Variants in SPPL2A observed in about 807,000 individuals in gnomAD.
SPPL2A encodes the protein signal peptide peptidase like 2A.
A neutral mutation model predicts 63.8 loss-of-function variants in SPPL2A; 51 were observed. The ratio of observed to expected loss-of-function variants is 0.80; its 90% CI spans 0.64 to 1.01. The LOEUF is 1.01. Among genes scored for constraint, SPPL2A ranks in the 50% least tolerant of loss-of-function variants. The probability of loss-of-function intolerance (pLI) is 0.00; values close to 1 mark genes in which losing one functional copy is unlikely to be tolerated. For synonymous variants in SPPL2A, 188 were observed against 205.8 expected (o/e 0.91, Z 0.74); for missense variants, 553 against 622.7 (o/e 0.89, Z 1.19).
At chr15:50,720,148 G>T in intron 13 of SPPL2A, 48 bp from the exon 14 acceptor site, 1 of 1,514,684 alleles carries the variant, frequency 6.6e-7, no homozygotes, top group Non-Finnish European at 8.9e-7. Context: ...TGTTACCAAA[G>T]GTGGGTTTTT....
At chr15:50,752,474 T>G (rs1451494559) in intron 1 of SPPL2A, among the ~76,000 whole-genome samples, 1 of 151,986 alleles carries the variant, frequency 6.6e-6, no homozygotes, top group Non-Finnish European at 1.5e-5. Flanking sequence ...TTCCAGCACC[T>G]CGGGAGGCCG....
At chr15:50,742,160 A>G (rs1485405395) in intron 5 of SPPL2A, among the ~76,000 whole-genome samples, 1 of 152,190 alleles carries the variant, frequency 6.6e-6, no homozygotes, top group Non-Finnish European at 1.5e-5. Flanking sequence ...CTGTAATCCC[A>G]GCACTTTGGG....
intron 14 of SPPL2A, among the ~76,000 whole-genome samples, chr15:50,716,475 G>A (rs1222787668): frequency 6.6e-6 from 1 of 152,084 alleles, no homozygotes; most frequent in Non-Finnish European, 1.5e-5. Flanking sequence ...GATTACAGGC[G>A]TGAGCCACTG....
chr15:50,727,476 A>T (rs1283061922), intron 10 of SPPL2A, among the ~76,000 whole-genome samples: 1 of 152,230 alleles, frequency 6.6e-6, no homozygotes, highest in Non-Finnish European at 1.5e-5. Context: ...ACATTTCCAG[A>T]TAAAGAGTTC....
intron 8 of SPPL2A, 22 bp downstream of exon 8, chr15:50,736,079 C>G (rs777663561): frequency 7.8e-6 from 11 of 1,404,534 alleles, no homozygotes; most frequent in East Asian, 2.3e-5. Context: ...AATCTAAAAG[C>G]AAATACATTG....
chr15:50,747,682 T>C lies in SPPL2A; in HGVS notation c.451-54A>G, dbSNP rs552193792. ...GGAATAACTTTTCTTTCTACTATAGTCATAACAGCAATAGTCCACATTTCA... is the reference window on the plus strand; with the variant it reads ...GGAATAACTTTTCTTTCTACTATAGCCATAACAGCAATAGTCCACATTTCA... On this transcript the variant is annotated intron_variant, in intron 4 of 14. Transcript: ENST00000261854. 4.5e-6 allele frequency: 6 copies of C among 1,319,458 alleles called. No individual in the cohort carries two copies. The South Asian group carries it at 7.4e-5, about 16-fold the overall frequency. 81.7% of individuals were successfully genotyped at this position (1,319,458 alleles called of 1,614,324 possible).
At position 50,714,347 on chromosome 15, in the gene SPPL2A, T is replaced by A. The variant is rs1294324482; in HGVS notation, c.1488+5593A>T. On this transcript the variant is annotated intron_variant, in intron 14 of 14. Transcript: ENST00000261854. The stretch of plus-strand genomic sequence containing the variant: ...TGTGAAGCAGAGGCAAATTTTTTTC[T>A]CAGGCCAGGAATGGTGGCTCACGCC... 2.0e-5 allele frequency among the ~76,000 whole-genome samples: 3 copies of A among 152,270 alleles called. No individual in the cohort carries two copies. The East Asian group carries it at 5.8e-4, about 29-fold the overall frequency.
Position 50,736,624 on chromosome 15 carries a change from T to A in SPPL2A, c.830+20A>T. The A allele has an allele frequency of 7.4e-7, 1 of 1,357,530 alleles. No homozygotes were observed. The allele number at this position is 1,357,530 out of a possible 1,614,324, so 84.1% of individuals were successfully genotyped here. A position where few individuals can be genotyped will look rare whatever the true frequency, so the allele number is the denominator to read the frequency against. Reference sequence around the variant, plus strand: ...ATTATAAACACCAACATTATAAGATTTCCTGTAAGAGATACGTACGTGCAT... The same window carrying A: ...ATTATAAACACCAACATTATAAGATATCCTGTAAGAGATACGTACGTGCAT... On this transcript the variant is annotated intron_variant, in intron 7 of 14. Transcript: ENST00000261854.
intron 5 of SPPL2A, among the ~76,000 whole-genome samples, chr15:50,746,407 C>CA (rs1473911863): frequency 2.2e-5 from 3 of 139,142 alleles, no homozygotes; most frequent in Non-Finnish European, 4.5e-5. Context: ...CACTGTACTC[C>CA]AGCCTGGCAA....
rs941350499 is a variant in SPPL2A at position 50,707,571 on chromosome 15, G to A, written c.*229C>T. On this transcript the variant is annotated 3_prime_UTR_variant, in exon 15 of 15. Transcript: ENST00000261854. ...AAATATACTGTATATAGTACATCTC[G>A]GAAACTACACAGACCATATGTTTTA... 8 of 469,250 alleles carry A rather than the reference G, an allele frequency of 1.7e-5. No individual in the cohort carries two copies. Among genetic ancestry groups the A allele is most frequent in the East Asian group, 1.0e-4 (3 of 29,762 alleles). 29.1% of individuals were successfully genotyped at this position (469,250 alleles called of 1,614,324 possible). A position where few individuals can be genotyped will look rare whatever the true frequency, so the allele number is the denominator to read the frequency against.
intron 14 of SPPL2A, 24 bp downstream of exon 14, chr15:50,719,916 G>C (rs1374141084): frequency 1.3e-6 from 2 of 1,571,218 alleles, no homozygotes; most frequent in East Asian, 4.5e-5. Context: ...AAGATAACTT[G>C]GTAACCAAAG....
intron 14 of SPPL2A, among the ~76,000 whole-genome samples, chr15:50,717,338 CA>C (rs1418208033): frequency 6.6e-6 from 1 of 151,992 alleles, no homozygotes; most frequent in Non-Finnish European, 1.5e-5. Context: ...CCACGCCCAG[CA>C]AATTTTTTCT....
At chr15:50,721,159 G>A (rs1284480753) in intron 13 of SPPL2A, among the ~76,000 whole-genome samples, 1 of 151,846 alleles carries the variant, frequency 6.6e-6, no homozygotes, top group Admixed American at 6.6e-5. Context: ...TCAGCCTCCC[G>A]AGTAGCTGGG....
chr15:50,759,050 T>A (rs1283484876), intron 1 of SPPL2A, among the ~76,000 whole-genome samples: 1 of 152,028 alleles, frequency 6.6e-6, no homozygotes, highest in African/African-American at 2.4e-5. Context: ...ACAGGCATGA[T>A]CCACTGTACC....
chr15:50,741,660 A>T (rs1270506591), intron 5 of SPPL2A, among the ~76,000 whole-genome samples: 1 of 152,174 alleles, frequency 6.6e-6, no homozygotes, highest in Non-Finnish European at 1.5e-5. Flanking sequence ...TACTAGATTT[A>T]TATCACATTA....
intron 14 of SPPL2A, among the ~76,000 whole-genome samples, chr15:50,713,557 G>A (rs897437338): frequency 5.3e-5 from 8 of 151,704 alleles, no homozygotes; most frequent in South Asian, 2.1e-4. Context: ...GAGCCACCGC[G>A]CCCAGCATTT....
At chr15:50,730,213 C>T (rs1167787894) in intron 10 of SPPL2A, among the ~76,000 whole-genome samples, 2 of 152,116 alleles carry the variant, frequency 1.3e-5, no homozygotes, top group African/African-American at 2.4e-5. Context: ...ACTCACCCAA[C>T]ACCTCTCCTC....
chr15:50,708,729 T>C (rs936286886), intron 14 of SPPL2A, among the ~76,000 whole-genome samples: 8 of 148,106 alleles, frequency 5.4e-5, no homozygotes, highest in Admixed American at 1.3e-4. Context: ...ACATTTGCTA[T>C]AGACTATTTT....
At chr15:50,749,978 G>T (rs2062894125) in intron 1 of SPPL2A, 2 of 554,490 alleles carry the variant, frequency 3.6e-6, no homozygotes, top group Non-Finnish European at 6.4e-6. Context: ...TTTCTTAAGG[G>T]AGTAACAATT....
Sources: allele counts gnomAD v4.1 joint callset (sites outside exome capture counted in the v4.1 genomes callset), GRCh38; gene constraint gnomAD v4.1.1; transcripts MANE v1.5; gene names NCBI Gene and HGNC (gene_info 2026-07-23, HGNC 2026-07-21).